SDK2: variants seen among roughly 807,000 people sequenced by gnomAD.
The protein encoded by SDK2 is protein sidekick-2.
Under a neutral mutation model 253.9 loss-of-function variants are expected in SDK2, and 105 were observed. That is an observed-to-expected ratio of 0.41 (90% CI 0.35 to 0.49). The LOEUF (loss-of-function observed/expected upper bound fraction) is 0.49, where lower values mean the gene tolerates loss of function less well. Ranked by LOEUF, SDK2 falls within the 20% of genes least tolerant of loss-of-function variation. The pLI, the probability that SDK2 is intolerant of heterozygous loss-of-function variation, is 0.06. For synonymous variants in SDK2, 1,249 were observed against 1,234.9 expected (o/e 1.01, Z -0.24); for missense variants, 2,608 against 3,003.0 (o/e 0.87, Z 3.07).
rs557837228 is a variant in SDK2, at chr17:73,550,394, C to G, written c.65-42797G>C. Among the ~76,000 whole-genome samples the G allele has an allele frequency of 3.9e-5, 6 of 152,274 alleles. No individual in the cohort carries two copies. The East Asian group carries it at 1.2e-3, about 29-fold the overall frequency. The stretch of plus-strand genomic sequence containing the variant: ...GCTGGGAAAATAGCTCAATTACTGC[C>G]AAAATGAGAAGCTGTCCTGGGGTGG... On this transcript the variant is annotated intron_variant, in intron 1 of 44. Coordinates refer to ENST00000392650, the MANE Select transcript of SDK2 (RefSeq NM_001144952.2).
At chr17:73,554,471 C>T (rs2045113132) in intron 1 of SDK2, among the ~76,000 whole-genome samples, 1 of 152,178 alleles carries the variant, frequency 6.6e-6, no homozygotes. Context: ...GGCACAGGCT[C>T]ATATGGAGGA....
intron 2 of SDK2, among the ~76,000 whole-genome samples, chr17:73,498,947 T>C (rs1249902393): frequency 6.6e-6 from 1 of 152,162 alleles, no homozygotes; most frequent in African/African-American, 2.4e-5. Context: ...CTTGGGTAGG[T>C]TGCCGAACCT....
intron 40 of SDK2, among the ~76,000 whole-genome samples, chr17:73,354,578 C>T (rs898550274): frequency 1.3e-5 from 2 of 152,150 alleles, no homozygotes. Context: ...TCCAAGCCAC[C>T]CTGGGCCTAG....
intron 31 of SDK2, 35 bp downstream of exon 31, chr17:73,386,410 G>A (rs1161086629): frequency 1.0e-5 from 14 of 1,405,900 alleles, no homozygotes; most frequent in Non-Finnish European, 1.4e-5. Flanking sequence ...CAGCCAGTGG[G>A]CTGAGAGAGA....
chr17:73,613,099 T>C (rs1005979698), intron 1 of SDK2, among the ~76,000 whole-genome samples: 6 of 152,228 alleles, frequency 3.9e-5, no homozygotes, highest in Admixed American at 3.3e-4. Context: ...GCGGGAGGAA[T>C]GAGGAGCACA....
At position 73,387,979 on chromosome 17, in the gene SDK2, G is replaced by A. The variant is rs764640694; in HGVS notation, c.4251C>T (p.Ser1417=). Residue 1417 remains serine (S), a synonymous_variant, in exon 30 of 45, where the codon AGC becomes AGT. Transcript: ENST00000392650. ...MVQQEDVRAR[S]VLLSWEPGSD... ...TCCCTGGCTCCCAGGACAGCAGCAC[G>A]CTGCGTGCTCTCACATCCTCCTGCT... 2.0e-5 allele frequency: 31 copies of A among 1,570,826 alleles called. No individual in the cohort carries two copies. In the South Asian group the frequency reaches 2.9e-4, roughly 15 times the overall value.
intron 42 of SDK2, 111 bp downstream of exon 42, chr17:73,350,539 G>A: frequency 1.4e-6 from 2 of 1,409,120 alleles, no homozygotes; most frequent in Non-Finnish European, 1.9e-6. Flanking sequence ...ACCCACCAGA[G>A]CAGGTGCGCT....
At chr17:73,486,375 G>A (rs1198550965) in intron 2 of SDK2, among the ~76,000 whole-genome samples, 2 of 152,116 alleles carry the variant, frequency 1.3e-5, no homozygotes, top group African/African-American at 4.8e-5. Context: ...TTGGGAAGCC[G>A]AGGCAGGGGG....
intron 3 of SDK2, 98 bp from the exon 4 acceptor site, chr17:73,456,151 TC>T: frequency 1.5e-6 from 2 of 1,340,434 alleles, no homozygotes; most frequent in Non-Finnish European, 2.0e-6. Context: ...GACGGAAAAT[TC>T]GGGGCAGACA....
At chr17:73,484,788 G>A (rs192110960) in intron 2 of SDK2, among the ~76,000 whole-genome samples, 10 of 152,232 alleles carry the variant, frequency 6.6e-5, no homozygotes, top group African/African-American at 2.4e-4. Context: ...GCCTTTATTT[G>A]GTGTTCTCTT....
At chr17:73,423,778 G>T in intron 13 of SDK2, 138 bp downstream of exon 13, 1 of 797,440 alleles carries the variant, frequency 1.3e-6, no homozygotes, top group Non-Finnish European at 1.9e-6. Flanking sequence ...GGATGCTGGG[G>T]GTATGTCCTG....
chr17:73,492,302 T>C (rs773023747), intron 2 of SDK2, among the ~76,000 whole-genome samples: 2 of 152,150 alleles, frequency 1.3e-5, no homozygotes, highest in African/African-American at 2.4e-5. Flanking sequence ...AGTAGCTATC[T>C]GTGGCCCGGC....
Position 73,401,971 on chromosome 17 carries a change from C to T in SDK2, c.2655G>A (p.Pro885=), listed in dbSNP as rs367637254. 6.2e-6 allele frequency: 10 copies of T among 1,611,704 alleles called. No homozygotes were observed. Among genetic ancestry groups the T allele is most frequent in the Non-Finnish European group, 8.5e-6 (10 of 1,178,980 alleles). ...CATCCTCATGGGTGCGCACCAGCTG[C>T]GGGGTGCTGCGTGGCCCGTCCCCGG... is the stretch of plus-strand genomic sequence containing the variant. The part of the protein sequence containing the change: ...TTPGDGPRST[P]QLVRTHEDVP... Residue 885 remains proline, a synonymous_variant, in exon 19 of 45, where the codon CCG becomes CCA. Transcript: ENST00000392650.
chr17:73,638,129 A>G lies in SDK2; in HGVS notation c.64+5896T>C, dbSNP rs367988149. ...GAGACGAGAGGCATTTCACAAGTCA[A>G]TCAGCTCTGGAGATGGGGCGAGAGG... is the stretch of plus-strand genomic sequence containing the variant. On this transcript the variant is annotated intron_variant, in intron 1 of 44. Transcript: ENST00000392650. Among the ~76,000 whole-genome samples, 7 of 152,312 alleles carry G rather than the reference A, an allele frequency of 4.6e-5. No individual in the cohort carries two copies. The East Asian group carries it at 5.8e-4, about 13-fold the overall frequency.
intron 37 of SDK2, among the ~76,000 whole-genome samples, chr17:73,368,068 C>T (rs1229425626): frequency 6.6e-6 from 1 of 152,006 alleles, no homozygotes; most frequent in Non-Finnish European, 1.5e-5. Flanking sequence ...GCCAGAGAGA[C>T]AGAGGGAAGG....
In SDK2 at chr17:73,443,092, T is replaced by A. The variant is rs1567776139; in HGVS notation, c.614-2169A>T. Among the ~76,000 whole-genome samples, 1 of 152,138 alleles carries A rather than the reference T, an allele frequency of 6.6e-6. No homozygotes were observed. The highest frequency in any genetic ancestry group is 1.5e-5 in the Non-Finnish European group (1 of 68,020). On this transcript the variant is annotated intron_variant, in intron 5 of 44. Transcript: ENST00000392650. The surrounding 1 kb of genome is among the most constrained non-coding windows in gnomAD (Gnocchi z 4.6). ...AGGTTCTGGAGGTAGTAGGCCATGATGACATGCTGGGCCCTGCGGTGACAG... is the reference window on the plus strand; with the variant it reads ...AGGTTCTGGAGGTAGTAGGCCATGAAGACATGCTGGGCCCTGCGGTGACAG...
At chr17:73,409,309 C>A (rs778300737) in intron 18 of SDK2, among the ~76,000 whole-genome samples, 1 of 152,082 alleles carries the variant, frequency 6.6e-6, no homozygotes, top group Non-Finnish European at 1.5e-5. Context: ...GGTGAAACCC[C>A]ATGTCTACTA....
chr17:73,634,873 G>A (rs553412101), intron 1 of SDK2, among the ~76,000 whole-genome samples: 5 of 152,212 alleles, frequency 3.3e-5, no homozygotes, highest in South Asian at 2.1e-4. Context: ...TGTTATCCTC[G>A]TTTTACAGAT....
chr17:73,352,627 T>C lies in SDK2; in HGVS notation c.5604A>G (p.Leu1868=), dbSNP rs1288824521. The part of the protein sequence containing the change: ...VIEARPSDEG[L]WDILIKDIPK... ...GGATGTCTTTGATGAGGATGTCCCATAGTCCCTCGTCTGCAGGAGCACAGA... is the reference window on the plus strand; with the variant it reads ...GGATGTCTTTGATGAGGATGTCCCACAGTCCCTCGTCTGCAGGAGCACAGA... The change falls in exon 41 of 45, where the codon CTA becomes CTG. Residue 1868 remains leucine (L), a synonymous_variant. Transcript: ENST00000392650. The surrounding 1 kb of genome is among the most constrained non-coding windows in gnomAD (Gnocchi z 4.1). 2.5e-6 allele frequency: 4 copies of C among 1,613,854 alleles called. No individual in the cohort carries two copies. Among genetic ancestry groups the C allele is most frequent in the Admixed American group, 3.3e-5 (2 of 60,000 alleles).
Sources: allele counts gnomAD v4.1 joint callset (sites outside exome capture counted in the v4.1 genomes callset), GRCh38; gene constraint gnomAD v4.1.1; non-coding constraint Gnocchi (gnomAD v3.1); transcripts MANE v1.5; gene names NCBI Gene and HGNC (gene_info 2026-07-23, HGNC 2026-07-21).